Variants in SLC28A2 observed in about 807,000 individuals in gnomAD.
The protein encoded by SLC28A2 is solute carrier family 28 member 2.
SLC28A2 carries 69 observed loss-of-function variants against 72.9 expected under a neutral mutation model. The observed-to-expected ratio is 0.95, with a 90% CI of 0.78 to 1.16. SLC28A2 has a LOEUF of 1.16. Among genes scored for constraint, SLC28A2 ranks in the 50% most tolerant of loss-of-function variants. The pLI is 0.00. For missense variants in SLC28A2, 745 were observed against 791.1 expected (o/e 0.94, Z 0.70); for synonymous variants, 296 against 294.1 (o/e 1.01, Z -0.07).
intron 3 of SLC28A2, among the ~76,000 whole-genome samples, chr15:45,258,600 T>C (rs892492829): frequency 6.6e-6 from 1 of 152,244 alleles, no homozygotes; most frequent in African/African-American, 2.4e-5. Context: ...AATGAAAATA[T>C]ACCATATATA....
In SLC28A2 at chr15:45,262,022, C is replaced by T. The variant is rs144302819; in HGVS notation, c.178C>T (p.Arg60Trp). 4.0e-5 allele frequency: 64 copies of T among 1,610,334 alleles called. No homozygotes were observed. The African/African-American group carries it at 4.7e-4, about 12-fold the overall frequency. The change falls in exon 4 of 18, where the codon CGG becomes TGG. Residue 60 changes from arginine (R) to tryptophan (W), a missense_variant. Arg to Trp is a moderately radical substitution (Grantham distance 101). Transcript: ENST00000347644. Reference sequence around the variant, plus strand: ...CTTTTGGGTTCTTATTAGGAGGAGTCGGTGGCCTTTCAGCAAAGCAAGAAG... The same window carrying T: ...CTTTTGGGTTCTTATTAGGAGGAGTTGGTGGCCTTTCAGCAAAGCAAGAAG... ...LGPSTYQRRS[R>W]WPFSKARSFC...
intron 3 of SLC28A2, among the ~76,000 whole-genome samples, chr15:45,255,774 T>C (rs1393504695): frequency 6.6e-6 from 1 of 152,126 alleles, no homozygotes; most frequent in Admixed American, 6.5e-5. Context: ...TGTAGCAAAA[T>C]AATTAGAAAA....
chr15:45,258,265 T>C (rs1231660519), intron 3 of SLC28A2, among the ~76,000 whole-genome samples: 1 of 108,714 alleles, frequency 9.2e-6, no homozygotes, highest in Non-Finnish European at 2.7e-5. Flanking sequence ...TTTTATTTTA[T>C]TATTATTATT....
chr15:45,272,631 G>C (rs372629975), intron 16 of SLC28A2, 42 bp from the exon 17 acceptor site: 5 of 1,118,148 alleles, frequency 4.5e-6, no homozygotes, highest in Non-Finnish European at 5.5e-6. Flanking sequence ...TGAGAAGCAC[G>C]TGTCAGATCT....
At chr15:45,263,329 C>T (rs1320811295) in intron 5 of SLC28A2, 85 bp downstream of exon 5, 1 of 1,333,442 alleles carries the variant, frequency 7.5e-7, no homozygotes, top group Non-Finnish European at 1.0e-6. Flanking sequence ...TGAGCAGGCT[C>T]TCAGACCTGC....
chr15:45,255,971 T>G (rs543518379), intron 3 of SLC28A2: 1 of 152,346 alleles, frequency 6.6e-6, no homozygotes, highest in African/African-American at 2.4e-5. Flanking sequence ...GGCAAGTTAT[T>G]TACCCTCTCT....
At chr15:45,264,850 C>T (rs1900284180) in intron 7 of SLC28A2, 82 bp downstream of exon 7, 1 of 888,536 alleles carries the variant, frequency 1.1e-6, no homozygotes, top group Non-Finnish European at 1.9e-6. Flanking sequence ...GAAGATTAGG[C>T]TGTATCTTGT....
At chr15:45,267,350 G>A in intron 10 of SLC28A2, 105 bp from the exon 11 acceptor site, 6 of 1,229,330 alleles carry the variant, frequency 4.9e-6, no homozygotes, top group Non-Finnish European at 7.1e-6. Flanking sequence ...TGCTCACACT[G>A]GATGGATGTG....
chr15:45,252,936 C>T (rs1899839180), intron 1 of SLC28A2, among the ~76,000 whole-genome samples: 1 of 152,212 alleles, frequency 6.6e-6, no homozygotes. Context: ...CATTTCAATT[C>T]CACTGCCTTT....
chr15:45,252,825 C>T (rs1468805246), intron 1 of SLC28A2, among the ~76,000 whole-genome samples: 1 of 152,106 alleles, frequency 6.6e-6, no homozygotes, highest in Non-Finnish European at 1.5e-5. Context: ...GTGGGGCCTC[C>T]CTGGGGCTAA....
At chr15:45,269,255 C>T in intron 13 of SLC28A2, 83 bp from the exon 14 acceptor site, 1 of 1,134,218 alleles carries the variant, frequency 8.8e-7, no homozygotes, top group Non-Finnish European at 1.3e-6. Flanking sequence ...AGAGATTGGG[C>T]CAAGGCTCCA....
intron 6 of SLC28A2, among the ~76,000 whole-genome samples, chr15:45,264,374 T>C (rs1044181644): frequency 6.6e-6 from 1 of 152,322 alleles, no homozygotes; most frequent in Non-Finnish European, 1.5e-5. Flanking sequence ...TGTTAAAATA[T>C]TGATTTATAA....
At chr15:45,269,222 GA>G (rs970145587) in intron 13 of SLC28A2, 115 bp from the exon 14 acceptor site, 2 of 775,290 alleles carry the variant, frequency 2.6e-6, no homozygotes, top group African/African-American at 1.7e-5. Context: ...TAAGCCAAGA[GA>G]GAGCATGAAT....
At chr15:45,262,617 GA>G (rs1339907307) in intron 4 of SLC28A2, among the ~76,000 whole-genome samples, 1 of 152,176 alleles carries the variant, frequency 6.6e-6, no homozygotes, top group Non-Finnish European at 1.5e-5. Context: ...GCCATGGGAT[GA>G]GGTCCACATG....
At position 45,263,149 on chromosome 15, in the gene SLC28A2, C is replaced by A. The variant is rs1900214782; in HGVS notation, c.351C>A (p.Val117=). Residue 117 remains valine, a synonymous_variant, in exon 5 of 18, where the codon GTC becomes GTA. Coordinates refer to ENST00000347644, the MANE Select transcript of SLC28A2 (RefSeq NM_004212.4). ...TCATCACCTGCTTGGTGATCTTTGTCCTGGTTCACTCGTTTTTGAAAAAGC... is the reference window on the plus strand; with the variant it reads ...TCATCACCTGCTTGGTGATCTTTGTACTGGTTCACTCGTTTTTGAAAAAGC... ...LFVITCLVIF[V]LVHSFLKKLL... The A allele has an allele frequency of 6.2e-7, 1 of 1,614,004 alleles. No homozygotes were observed. The highest frequency in any genetic ancestry group is 2.2e-5 in the East Asian group (1 of 44,882).
At chr15:45,273,345 A>G (rs1226300289) in intron 17 of SLC28A2, among the ~76,000 whole-genome samples, 1 of 152,230 alleles carries the variant, frequency 6.6e-6, no homozygotes. Flanking sequence ...TAGTGTAAAA[A>G]TGAACTTGTT....
chr15:45,273,784 T>G (rs1900663993), intron 17 of SLC28A2, among the ~76,000 whole-genome samples: 1 of 152,052 alleles, frequency 6.6e-6, no homozygotes, highest in Admixed American at 6.6e-5. Context: ...ATTGGCTAGA[T>G]AGGAGGAAGA....
intron 3 of SLC28A2, among the ~76,000 whole-genome samples, chr15:45,254,661 T>C (rs1231505480): frequency 1.3e-5 from 2 of 152,250 alleles, no homozygotes; most frequent in Non-Finnish European, 2.9e-5. Context: ...CACATGACTA[T>C]ATATGGAGAT....
Position 45,266,155 on chromosome 15 carries a change from G to T in SLC28A2, c.936G>T (p.Val312=). 6.2e-7 allele frequency: 1 copy of T among 1,611,862 alleles called. No individual in the cohort carries two copies. The highest frequency in any genetic ancestry group is 8.5e-7 in the Non-Finnish European group (1 of 1,177,964). ...TGGCTGTGGCAGGAAACATCTTTGTGGGTATGGTAAGCACCTTGAGGACTT... is the reference window on the plus strand; with the variant it reads ...TGGCTGTGGCAGGAAACATCTTTGTTGGTATGGTAAGCACCTTGAGGACTT... The part of the protein sequence containing the change: ...ETLAVAGNIF[V]GMTEAPLLIR... Residue 312 remains valine (V), a synonymous_variant, in exon 10 of 18, where the codon GTG becomes GTT. Transcript: ENST00000347644.
Sources: gnomAD v4.1 joint callset for allele counts (sites outside exome capture counted in the v4.1 genomes callset) on GRCh38, gnomAD v4.1.1 for gene constraint, MANE v1.5 for transcripts, NCBI Gene and HGNC (gene_info 2026-07-23, HGNC 2026-07-21) for gene names.